The following RHOBTB3 variants were observed in gnomAD, a reference collection of about 807,000 sequenced individuals.
The protein encoded by RHOBTB3 is rho-related BTB domain-containing protein 3.
In RHOBTB3, 47 loss-of-function variants were observed where a neutral mutation model predicts 67.2. The ratio of observed to expected loss-of-function variants is 0.70; its 90% CI spans 0.55 to 0.89. The LOEUF (loss-of-function observed/expected upper bound fraction) is 0.89. Among genes scored for constraint, RHOBTB3 ranks in the 40% least tolerant of loss-of-function variants. The pLI is 0.00. For synonymous variants in RHOBTB3, 273 were observed against 274.2 expected (o/e 1.00, Z 0.04); for missense variants, 631 against 750.0 (o/e 0.84, Z 1.85).
intron 2 of RHOBTB3, among the ~76,000 whole-genome samples, chr5:95,735,449 G>A (rs1023250683): frequency 6.6e-6 from 1 of 152,034 alleles, no homozygotes; most frequent in Non-Finnish European, 1.5e-5. Flanking sequence ...TCTTCAGAAG[G>A]GCATTGCTGT....
chr5:95,759,519 C>T (rs771350284), intron 6 of RHOBTB3, among the ~76,000 whole-genome samples: 1 of 152,156 alleles, frequency 6.6e-6, no homozygotes, highest in Non-Finnish European at 1.5e-5. Context: ...CCACTATCAA[C>T]AGAAAATGTT....
intron 5 of RHOBTB3, among the ~76,000 whole-genome samples, chr5:95,754,687 T>C (rs1745192404): frequency 6.6e-6 from 1 of 152,206 alleles, no homozygotes; most frequent in Admixed American, 6.5e-5. Context: ...TCTCTCTTTG[T>C]TGGTGATCAA....
Position 95,752,283 on chromosome 5 carries a change from A to G in RHOBTB3, c.615A>G (p.Glu205=), listed in dbSNP as rs1183012759. 6.2e-7 allele frequency: 1 copy of G among 1,605,454 alleles called. No individual in the cohort carries two copies. The highest frequency in any genetic ancestry group is 2.2e-5 in the East Asian group (1 of 44,572). ...AAGCCTTAAATCAGAAGACAAGTGAAAAAATGAAGAAAAGAAAAATGAGCA... is the reference window on the plus strand; with the variant it reads ...AAGCCTTAAATCAGAAGACAAGTGAGAAAATGAAGAAAAGAAAAATGAGCA... ...MIQALNQKTS[E]KMKKRKMSNS... is the part of the protein sequence containing the mutation. Residue 205 remains glutamate, a synonymous_variant, in exon 5 of 12, where the codon GAA becomes GAG. Coordinates refer to ENST00000379982, the MANE Select transcript of RHOBTB3 (RefSeq NM_014899.4).
At chr5:95,752,902 T>C (rs1438869890) in intron 5 of RHOBTB3, among the ~76,000 whole-genome samples, 3 of 151,698 alleles carry the variant, frequency 2.0e-5, no homozygotes, top group African/African-American at 7.3e-5. Flanking sequence ...GAGGCCGAGG[T>C]GGGAGGATCA....
chr5:95,786,929 T>C (rs572119049), intron 10 of RHOBTB3, among the ~76,000 whole-genome samples: 1 of 152,350 alleles, frequency 6.6e-6, no homozygotes, highest in South Asian at 2.1e-4. Context: ...GGTCTGTACA[T>C]TAGCTAGAAC....
chr5:95,732,315 T>TA (rs2112769270), intron 2 of RHOBTB3: 1 of 606,062 alleles, frequency 1.7e-6, no homozygotes, highest in Non-Finnish European at 2.9e-6. Flanking sequence ...GTGGAGCACT[T>TA]ACTGGTACAC....
upstream of RHOBTB3, among the ~76,000 whole-genome samples, chr5:95,728,830 C>T (rs145656064): frequency 3.0e-3 from 457 of 152,184 alleles, 6 homozygotes; most frequent in African/African-American, 0.011. Flanking sequence ...AACAGAATGC[C>T]GTAAAGAAGC....
intron 6 of RHOBTB3, among the ~76,000 whole-genome samples, chr5:95,757,491 T>C (rs1360769061): frequency 1.3e-5 from 2 of 152,168 alleles, no homozygotes; most frequent in Non-Finnish European, 2.9e-5. Flanking sequence ...AGACAAAAAG[T>C]TTAAGGTTTG....
intron 8 of RHOBTB3, 86 bp downstream of exon 8, chr5:95,768,252 G>T: frequency 1.5e-6 from 2 of 1,333,332 alleles, no homozygotes; most frequent in Non-Finnish European, 2.1e-6. Flanking sequence ...TGAATGTTTG[G>T]TGTGAAGGAA....
intron 8 of RHOBTB3, chr5:95,769,241 T>C (rs1745637287): frequency 8.0e-6 from 3 of 376,796 alleles, no homozygotes; most frequent in Non-Finnish European, 5.3e-6. Flanking sequence ...ACAAAGTCAA[T>C]TGGCTTCAAG....
At chr5:95,771,629 T>G (rs1745717492) in intron 8 of RHOBTB3, among the ~76,000 whole-genome samples, 1 of 152,240 alleles carries the variant, frequency 6.6e-6, no homozygotes, top group Non-Finnish European at 1.5e-5. Flanking sequence ...CACCTTGATT[T>G]ATTTGTTGCC....
chr5:95,742,362 A>G (rs575696608), intron 3 of RHOBTB3, among the ~76,000 whole-genome samples: 1 of 152,308 alleles, frequency 6.6e-6, no homozygotes. Context: ...GACTGTTTCT[A>G]TAATCTTGCA....
At chr5:95,763,729 G>A (rs913358838) in intron 7 of RHOBTB3, 109 bp downstream of exon 7, 15 of 620,990 alleles carry the variant, frequency 2.4e-5, no homozygotes, top group African/African-American at 2.1e-4. Context: ...CTGTATAAAT[G>A]TAAATGTTTT....
chr5:95,775,305 T>C (rs910500419), intron 8 of RHOBTB3, among the ~76,000 whole-genome samples: 7 of 151,712 alleles, frequency 4.6e-5, no homozygotes, highest in Non-Finnish European at 7.4e-5. Context: ...AAAATGCTTA[T>C]TGGAGCATTT....
chr5:95,793,070 A>G lies in RHOBTB3; in HGVS notation c.1732A>G (p.Ser578Gly), dbSNP rs780172728. 7.4e-6 allele frequency: 12 copies of G among 1,612,046 alleles called. No individual in the cohort carries two copies. The highest frequency in any genetic ancestry group is 1.7e-5 in the Admixed American group (1 of 59,652). The change falls in exon 12 of 12, where the codon AGT becomes GGT. Residue 578 changes from serine to glycine, a missense_variant. Coordinates refer to ENST00000379982, the MANE Select transcript of RHOBTB3 (RefSeq NM_014899.4). ...TCTTAAAACTTCAGTGGAAGAACGC[A>G]GTTTTGTTGAAAAGCACAGATGGCC... ...EFQDLSVEER[S>G]FVEKHRWPSN...
At chr5:95,763,796 C>T (rs1054764299) in intron 7 of RHOBTB3, among the ~76,000 whole-genome samples, 176 bp downstream of exon 7, 5 of 118,000 alleles carry the variant, frequency 4.2e-5, no homozygotes, top group Non-Finnish European at 5.5e-5. Flanking sequence ...TTATTTGTAT[C>T]TTAGATTGTG....
chr5:95,722,981 T>C (rs1227045854), intron 1 of RHOBTB3, among the ~76,000 whole-genome samples: 1 of 152,184 alleles, frequency 6.6e-6, no homozygotes. Context: ...AAAACATCAC[T>C]GAGCACAATG....
chr5:95,756,030 C>G (rs1408404885), intron 6 of RHOBTB3: 2 of 377,720 alleles, frequency 5.3e-6, no homozygotes, highest in Non-Finnish European at 9.5e-6. Context: ...CCATCTTAAC[C>G]ATTTTTAAGA....
At chr5:95,733,506 T>A (rs1755366768) in intron 2 of RHOBTB3, among the ~76,000 whole-genome samples, 1 of 152,266 alleles carries the variant, frequency 6.6e-6, no homozygotes, top group Non-Finnish European at 1.5e-5. Context: ...ATACTGTTAA[T>A]TTTGCAAACA....
Sources: gnomAD v4.1 joint callset for allele counts (sites outside exome capture counted in the v4.1 genomes callset) on GRCh38, gnomAD v4.1.1 for gene constraint, MANE v1.5 for transcripts, NCBI Gene and HGNC (gene_info 2026-07-23, HGNC 2026-07-21) for gene names.